Variants in CNGB3 observed in about 807,000 individuals in gnomAD.
The protein encoded by CNGB3 is cyclic nucleotide gated channel subunit beta 3.
A neutral mutation model predicts 92.8 loss-of-function variants in CNGB3; 86 were observed. That is an observed-to-expected ratio of 0.93 (90% CI 0.78 to 1.11). CNGB3 has a LOEUF of 1.11. CNGB3 is among the 50% of genes least tolerant of loss of function. The pLI, the probability that CNGB3 is intolerant of heterozygous loss-of-function variation, is 0.00. For synonymous variants in CNGB3, 333 were observed against 332.7 expected, an observed-to-expected ratio of 1.00 and a Z score of -0.01; for missense variants, 1,026 against 956.8, an observed-to-expected ratio of 1.07 and a Z score of -0.95.
At chr8:86,628,702 T>A (rs1036803974) in intron 12 of CNGB3, among the ~76,000 whole-genome samples, 1 of 152,100 alleles carries the variant, frequency 6.6e-6, no homozygotes, top group Non-Finnish European at 1.5e-5. Flanking sequence ...AAGATGCTGA[T>A]TAAAATTTAG....
At position 86,629,002 on chromosome 8, in the gene CNGB3, A is replaced by G. The variant is rs35010099; in HGVS notation, c.1397T>C (p.Met466Thr). The change falls in exon 12 of 18, where the codon ATG becomes ACG. Residue 466 changes from methionine (M) to threonine (T), a missense_variant. Transcript: ENST00000320005. ...AAGTTTAGGAATGGAGTAATTGTTC[A>G]TGTAGGCAATGGTGTCATCCATGCA... ...RACMDDTIAY[M>T]NNYSIPKLVQ... 1.7e-3 allele frequency: 2,677 copies of G among 1,614,042 alleles called. 34 individuals carry two copies. The African/African-American group carries it at 0.032, about 19-fold the overall frequency.
chr8:86,633,757 GTATT>G lies in CNGB3; in HGVS notation c.1179-868_1179-865del, dbSNP rs1823009246. The stretch of plus-strand genomic sequence containing the variant: ...TGTGGGAATATTATAGAGATCAAAT[GTATT>G]TATGCAGATGAGAGAATCTTCTATA... On this transcript the variant is annotated intron_variant, in intron 10 of 17. Transcript: ENST00000320005. Among the ~76,000 whole-genome samples the G allele has an allele frequency of 2.0e-5, 3 of 152,308 alleles. No individual in the cohort carries two copies. The South Asian group carries it at 6.2e-4, about 32-fold the overall frequency.
intron 7 of CNGB3, 104 bp from the exon 8 acceptor site, chr8:86,647,991 A>G (rs1823322699): frequency 1.3e-6 from 1 of 798,022 alleles, no homozygotes; most frequent in Admixed American, 1.7e-5. Context: ...ACAATATATT[A>G]TTTGTTGTTT....
intron 3 of CNGB3, among the ~76,000 whole-genome samples, chr8:86,694,134 C>T (rs1480448354): frequency 7.3e-6 from 1 of 137,646 alleles, no homozygotes. Context: ...GGCTGACCCC[C>T]CCACCTCCCT....
Position 86,626,378 on chromosome 8 carries a change from C to G in CNGB3, c.1481-298G>C, listed in dbSNP as rs192276294. ...GCTATGAAACGTAATGATCATAGCA[C>G]AAAGGCTAGTGAACAAGCTAGCATG... On this transcript the variant is annotated intron_variant, in intron 12 of 17. Coordinates refer to ENST00000320005, the MANE Select transcript of CNGB3 (RefSeq NM_019098.5). 1.3e-3 allele frequency among the ~76,000 whole-genome samples: 200 copies of G among 152,240 alleles called. 2 individuals carry two copies. The highest frequency in any genetic ancestry group is 2.9e-5 in the Non-Finnish European group (2 of 68,010).
intron 3 of CNGB3, among the ~76,000 whole-genome samples, chr8:86,712,784 T>A (rs1014705482): frequency 4.7e-5 from 7 of 149,992 alleles, no homozygotes; most frequent in Non-Finnish European, 5.9e-5. Context: ...TTAGATGAGG[T>A]CTTGCTGTGT....
chr8:86,649,143 C>A (rs1823349877), intron 7 of CNGB3, among the ~76,000 whole-genome samples: 1 of 151,492 alleles, frequency 6.6e-6, no homozygotes, highest in African/African-American at 2.4e-5. Context: ...GAGGGAACTA[C>A]AAAACACTGC....
At chr8:86,593,183 G>GT (rs1822084577) in intron 15 of CNGB3, among the ~76,000 whole-genome samples, 1 of 152,150 alleles carries the variant, frequency 6.6e-6, no homozygotes. Context: ...CCCTTAGCAG[G>GT]TCTTGATTTC....
intron 3 of CNGB3, among the ~76,000 whole-genome samples, chr8:86,673,497 AG>A (rs1823906532): frequency 6.6e-6 from 1 of 152,162 alleles, no homozygotes; most frequent in Non-Finnish European, 1.5e-5. Context: ...GAGTGAAGTC[AG>A]GTTATGATGG....
At chr8:86,593,268 GA>G (rs370930384) in intron 15 of CNGB3, among the ~76,000 whole-genome samples, 56 of 152,282 alleles carry the variant, frequency 3.7e-4, no homozygotes, top group African/African-American at 1.3e-3. Flanking sequence ...GGAAAGAGGA[GA>G]AAAAGGATAA....
intron 12 of CNGB3, 129 bp downstream of exon 12, chr8:86,628,790 G>A (rs760814565): frequency 6.2e-6 from 6 of 961,414 alleles, no homozygotes; most frequent in African/African-American, 4.9e-5. Flanking sequence ...AGCATTAAAC[G>A]AATGCTTTAA....
intron 3 of CNGB3, among the ~76,000 whole-genome samples, chr8:86,723,460 C>T (rs1267465474): frequency 6.6e-6 from 1 of 151,970 alleles, no homozygotes; most frequent in Non-Finnish European, 1.5e-5. Flanking sequence ...TAAAGGTGAC[C>T]TTTTACTCAT....
At chr8:86,708,503 T>C (rs1252535959) in intron 3 of CNGB3, among the ~76,000 whole-genome samples, 3 of 151,988 alleles carry the variant, frequency 2.0e-5, no homozygotes, top group Non-Finnish European at 4.4e-5. Flanking sequence ...TTGGGAAAAG[T>C]GGACAGAAGC....
intron 6 of CNGB3, 74 bp downstream of exon 6, chr8:86,666,851 A>T: frequency 8.5e-7 from 1 of 1,177,940 alleles, no homozygotes; most frequent in Non-Finnish European, 1.3e-6. Context: ...TAAATAAAAC[A>T]ATGCTGTTAC....
At chr8:86,607,952 G>A (rs1822443355) in intron 14 of CNGB3, among the ~76,000 whole-genome samples, 1 of 152,104 alleles carries the variant, frequency 6.6e-6, no homozygotes, top group Non-Finnish European at 1.5e-5. Flanking sequence ...TTTCTTCTCT[G>A]TCAATATCTA....
intron 16 of CNGB3, 74 bp downstream of exon 16, chr8:86,579,032 C>G (rs1009663860): frequency 4.4e-6 from 7 of 1,582,080 alleles, no homozygotes; most frequent in Non-Finnish European, 5.2e-6. Flanking sequence ...AATCATAATA[C>G]GGTTCTCCCT....
intron 3 of CNGB3, among the ~76,000 whole-genome samples, chr8:86,709,971 C>T (rs1431024921): frequency 1.3e-5 from 2 of 152,128 alleles, no homozygotes; most frequent in African/African-American, 2.4e-5. Flanking sequence ...GTATTAAGTG[C>T]CAGATCCTGT....
intron 3 of CNGB3, among the ~76,000 whole-genome samples, chr8:86,676,407 A>G (rs1380920110): frequency 6.6e-6 from 1 of 152,296 alleles, no homozygotes; most frequent in South Asian, 2.1e-4. Flanking sequence ...AATAGAATAC[A>G]ATAAAGGCTC....
At chr8:86,592,249 C>G (rs988978206) in intron 15 of CNGB3, among the ~76,000 whole-genome samples, 3 of 152,218 alleles carry the variant, frequency 2.0e-5, no homozygotes, top group Non-Finnish European at 4.4e-5. Flanking sequence ...CTGGCACTCC[C>G]TAGTGAGATG....
Sources: gnomAD v4.1 joint callset for allele counts (sites outside exome capture counted in the v4.1 genomes callset) on GRCh38, gnomAD v4.1.1 for gene constraint, MANE v1.5 for transcripts, NCBI Gene and HGNC (gene_info 2026-07-23, HGNC 2026-07-21) for gene names.